PIAS1: variants seen among roughly 807,000 people sequenced by gnomAD.
PIAS1 encodes E3 SUMO-protein ligase PIAS1.
PIAS1 carries 6 observed loss-of-function variants against 71.3 expected under a neutral mutation model. That is an observed-to-expected ratio of 0.08 (90% CI 0.05 to 0.17). The LOEUF is 0.17. Ranked by LOEUF, PIAS1 falls within the 10% of genes least tolerant of loss-of-function variation. The probability of loss-of-function intolerance (pLI) is 1.00; values close to 1 mark genes in which losing one functional copy is unlikely to be tolerated. For synonymous variants in PIAS1, 303 were observed against 292.9 expected, an observed-to-expected ratio of 1.03 and a Z score of -0.35; for missense variants, 555 against 793.6, an observed-to-expected ratio of 0.70 and a Z score of 3.61.
chr15:68,133,194 C>G (rs1474648954), intron 2 of PIAS1, among the ~76,000 whole-genome samples: 2 of 151,772 alleles, frequency 1.3e-5, no homozygotes, highest in African/African-American at 4.8e-5. Context: ...AATCATTCTT[C>G]TATTGGTAGG....
intron 1 of PIAS1, among the ~76,000 whole-genome samples, chr15:68,085,268 G>C (rs1247175960): frequency 6.6e-6 from 1 of 152,134 alleles, no homozygotes; most frequent in African/African-American, 2.4e-5. Flanking sequence ...TTAGGATTCT[G>C]CTAATAGCTG....
At chr15:68,058,185 A>C (rs1000041049) in intron 1 of PIAS1, among the ~76,000 whole-genome samples, 2 of 152,270 alleles carry the variant, frequency 1.3e-5, no homozygotes, top group Admixed American at 1.3e-4. Context: ...GATGAGATGT[A>C]GCCTTTCAAA....
rs566787530 is a variant in PIAS1, at chr15:68,078,908, G to A, written c.25-7398G>A. The stretch of plus-strand genomic sequence containing the variant: ...ATTGAAAACATTTTTAATATAGAAA[G>A]ATTTCACTAACTGTATGTATTGTAT... On this transcript the variant is annotated intron_variant, in intron 1 of 13. Coordinates refer to ENST00000249636, the MANE Select transcript of PIAS1 (RefSeq NM_016166.3). 1.0e-3 allele frequency among the ~76,000 whole-genome samples: 159 copies of A among 152,272 alleles called. 2 individuals carry two copies. The highest frequency in any genetic ancestry group is 3.8e-3 in the African/African-American group (156 of 41,552).
chr15:68,090,566 C>T (rs2092324370), intron 2 of PIAS1, among the ~76,000 whole-genome samples: 2 of 151,876 alleles, frequency 1.3e-5, no homozygotes, highest in Admixed American at 6.6e-5. Context: ...TATTAGCTCT[C>T]CAACTCGTTT....
chr15:68,068,727 A>G (rs760605520), intron 1 of PIAS1, among the ~76,000 whole-genome samples: 1 of 151,902 alleles, frequency 6.6e-6, no homozygotes, highest in Non-Finnish European at 1.5e-5. Flanking sequence ...TGCTGGGATT[A>G]CAGGCATGAG....
chr15:68,193,642 T>G lies in PIAS1; in HGVS notation c.*5807T>G. On this transcript the variant is annotated 3_prime_UTR_variant, in exon 14 of 14. Transcript: ENST00000249636. ...CTCAATCCTTCCTCAACAGGCTCCA[T>G]GAGGTAAGAAGTGGGAATCCAGCTT... 5.1e-6 allele frequency: 1 copy of G among 197,646 alleles called. No homozygotes were observed. The highest frequency in any genetic ancestry group is 1.3e-4 in the East Asian group (1 of 7,760). The allele number at this position is 197,646 out of a possible 1,614,324, so 12.2% of individuals were successfully genotyped here. A position where few individuals can be genotyped will look rare whatever the true frequency, so the allele number is the denominator to read the frequency against.
At chr15:68,061,775 A>C (rs1200304420) in intron 1 of PIAS1, among the ~76,000 whole-genome samples, 1 of 152,228 alleles carries the variant, frequency 6.6e-6, no homozygotes, top group African/African-American at 2.4e-5. Flanking sequence ...CGAAAACTGG[A>C]TAAAGACTTA....
intron 2 of PIAS1, among the ~76,000 whole-genome samples, chr15:68,110,414 G>A (rs534612872): frequency 1.3e-5 from 2 of 152,156 alleles, no homozygotes; most frequent in African/African-American, 4.8e-5. Flanking sequence ...CAGCCAACAT[G>A]GTGAAACCCC....
intron 7 of PIAS1, chr15:68,153,916 A>T (rs962262449): frequency 3.1e-6 from 1 of 321,820 alleles, no homozygotes; most frequent in Non-Finnish European, 5.7e-6. Flanking sequence ...ATGGAAGAAT[A>T]TTATTCTACA....
rs776882488 is a variant in PIAS1, at chr15:68,142,252, T to G, written c.555-38T>G. On this transcript the variant is annotated intron_variant, in intron 3 of 13. Coordinates refer to ENST00000249636, the MANE Select transcript of PIAS1 (RefSeq NM_016166.3). ...TTTGAATGAACTTTCATGCAAATAC[T>G]TTAAAAGTAATTGTAATTCCTATTC... 22 of 1,547,632 alleles carry G rather than the reference T, an allele frequency of 1.4e-5. No individual in the cohort carries two copies. In the South Asian group the frequency reaches 2.4e-4, roughly 17 times the overall value.
intron 8 of PIAS1, 139 bp downstream of exon 8, chr15:68,164,943 A>G: frequency 1.8e-6 from 1 of 562,454 alleles, no homozygotes; most frequent in Non-Finnish European, 3.2e-6. Flanking sequence ...AAGTGGAAAG[A>G]CATCTAGGCA....
rs576148210 is a variant in PIAS1, at chr15:68,072,542, A to G, written c.25-13764A>G. Among the ~76,000 whole-genome samples the G allele has an allele frequency of 5.3e-5, 8 of 152,280 alleles. 1 individual carries two copies. In the Middle Eastern group the frequency reaches 0.017, roughly 326 times the overall value. ...AGGAAAGGGACAGAATTCTGTAAGA[A>G]CATTAACTAGGAAACCTGACTGAGT... On this transcript the variant is annotated intron_variant, in intron 1 of 13. Coordinates refer to ENST00000249636, the MANE Select transcript of PIAS1 (RefSeq NM_016166.3).
chr15:68,059,826 C>A (rs2091938531), intron 1 of PIAS1, among the ~76,000 whole-genome samples: 1 of 152,032 alleles, frequency 6.6e-6, no homozygotes, highest in Non-Finnish European at 1.5e-5. Context: ...AACAGTGCTG[C>A]CTCGGTTTCC....
At chr15:68,150,109 T>C (rs772143635) in intron 6 of PIAS1, among the ~76,000 whole-genome samples, 8 of 152,164 alleles carry the variant, frequency 5.3e-5, no homozygotes, top group Non-Finnish European at 8.8e-5. Flanking sequence ...CACCATTAGG[T>C]TTTTAAAATC....
rs1169997018 is a variant in PIAS1, at chr15:68,173,443, T to C, written c.1009-289T>C. On this transcript the variant is annotated intron_variant, in intron 8 of 13. Coordinates refer to ENST00000249636, the MANE Select transcript of PIAS1 (RefSeq NM_016166.3). This position sits in a 1 kb window ranked among gnomAD's most constrained non-coding sequence, Gnocchi z 4.3. ...GAAATTTTGAATGTAATTCAAGGGG[T>C]TTATGACCCTCTCCACCAAAAGCTG... 2.6e-5 allele frequency among the ~76,000 whole-genome samples: 4 copies of C among 152,018 alleles called. No homozygotes were observed. The highest frequency in any genetic ancestry group is 5.9e-5 in the Non-Finnish European group (4 of 68,010).
chr15:68,096,941 T>C (rs2092381070), intron 2 of PIAS1, among the ~76,000 whole-genome samples: 1 of 152,338 alleles, frequency 6.6e-6, no homozygotes, highest in South Asian at 2.1e-4. Context: ...CTAGTACTTC[T>C]AGTACTATGT....
intron 2 of PIAS1, among the ~76,000 whole-genome samples, chr15:68,131,167 C>T (rs1026925755): frequency 6.6e-6 from 1 of 151,792 alleles, no homozygotes; most frequent in Admixed American, 6.6e-5. Context: ...AATTAAATGC[C>T]CATTAATAAT....
At chr15:68,118,565 C>G (rs1362071125) in intron 2 of PIAS1, among the ~76,000 whole-genome samples, 1 of 150,260 alleles carries the variant, frequency 6.7e-6, no homozygotes, top group East Asian at 1.9e-4. Flanking sequence ...TGGTCTCTAA[C>G]TCCTCGCCTC....
intron 1 of PIAS1, among the ~76,000 whole-genome samples, chr15:68,056,294 G>A (rs2091895372): frequency 6.6e-6 from 1 of 152,230 alleles, no homozygotes; most frequent in African/African-American, 2.4e-5. Flanking sequence ...AACTAGTATG[G>A]AAAGCACATG....
Sources: allele counts gnomAD v4.1 joint callset (sites outside exome capture counted in the v4.1 genomes callset), GRCh38; gene constraint gnomAD v4.1.1; non-coding constraint Gnocchi (gnomAD v3.1); transcripts MANE v1.5; gene names NCBI Gene and HGNC (gene_info 2026-07-23, HGNC 2026-07-21).